The following CEP162 variants were observed in gnomAD, a reference collection of about 807,000 sequenced individuals.
The protein encoded by CEP162 is centrosomal protein 162.
CEP162 carries 141 observed loss-of-function variants against 169.2 expected under a neutral mutation model. That is an observed-to-expected ratio of 0.83 (90% CI 0.73 to 0.96). CEP162 has a LOEUF of 0.96. Ranked by LOEUF, CEP162 falls within the 40% of genes least tolerant of loss-of-function variation. CEP162 has a pLI of 0.00. For missense variants in CEP162, 1,600 were observed against 1,587.2 expected (o/e 1.01, Z -0.14); for synonymous variants, 540 against 526.4 (o/e 1.03, Z -0.35).
intron 8 of CEP162, 58 bp from the exon 9 acceptor site, chr6:84,200,963 A>C (rs1477065141): frequency 9.5e-7 from 1 of 1,049,864 alleles, no homozygotes; most frequent in African/African-American, 1.6e-5. Context: ...GGTTCTGTTG[A>C]TCTAATACAA....
intron 3 of CEP162, among the ~76,000 whole-genome samples, chr6:84,220,198 A>G (rs2099553134): frequency 6.6e-6 from 1 of 152,080 alleles, no homozygotes; most frequent in Non-Finnish European, 1.5e-5. Flanking sequence ...CCATATGTAT[A>G]TTTTTTCCCT....
intron 23 of CEP162, 101 bp from the exon 24 acceptor site, chr6:84,149,804 G>C: frequency 2.1e-6 from 2 of 954,814 alleles, no homozygotes; most frequent in Non-Finnish European, 3.0e-6. Context: ...AATTAAGCAA[G>C]GGGAAAATGG....
At chr6:84,194,608 C>G (rs1309451237) in intron 10 of CEP162, among the ~76,000 whole-genome samples, 1 of 152,042 alleles carries the variant, frequency 6.6e-6, no homozygotes, top group Non-Finnish European at 1.5e-5. Context: ...CGTGTGCCAC[C>G]ATGCCCAGCT....
At chr6:84,176,467 TG>T (rs1562045457) in intron 13 of CEP162, among the ~76,000 whole-genome samples, 1 of 152,174 alleles carries the variant, frequency 6.6e-6, no homozygotes, top group Non-Finnish European at 1.5e-5. Flanking sequence ...TCCAAATCAC[TG>T]GAGGCTCATT....
At chr6:84,161,369 C>T (rs1490477929) in intron 20 of CEP162, among the ~76,000 whole-genome samples, 7 of 152,032 alleles carry the variant, frequency 4.6e-5, no homozygotes, top group East Asian at 3.9e-4. Flanking sequence ...ACAAGGAGTA[C>T]GAGTGAGACA....
rs758810500 is a variant in CEP162 at position 84,183,153 on chromosome 6, G to GT, written c.1663+2033dup. On this transcript the variant is annotated intron_variant, in intron 13 of 26. Transcript: ENST00000403245. Reference sequence around the variant, plus strand: ...ACTTTACTATAAATTTTAATAATGTGTTTTTTTTTATTTTGGATGTCACAA... The same window carrying GT: ...ACTTTACTATAAATTTTAATAATGTGTTTTTTTTTTATTTTGGATGTCACAA... 1.7e-3 allele frequency among the ~76,000 whole-genome samples: 260 copies of GT among 151,236 alleles called. 1 individual carries two copies. Among genetic ancestry groups the GT allele is most frequent in the South Asian group, 5.4e-3 (26 of 4,776 alleles).
chr6:84,169,082 C>T (rs2099528944), intron 18 of CEP162, among the ~76,000 whole-genome samples: 1 of 152,072 alleles, frequency 6.6e-6, no homozygotes, highest in Admixed American at 6.6e-5. Context: ...TGACAAATGC[C>T]TGATGAGAGG....
chr6:84,198,319 C>T (rs1048181443), intron 9 of CEP162, among the ~76,000 whole-genome samples: 1 of 151,798 alleles, frequency 6.6e-6, no homozygotes, highest in Non-Finnish European at 1.5e-5. Context: ...ACTCCATCAC[C>T]CAGGCTGGAG....
At chr6:84,173,978 C>A in intron 16 of CEP162, 70 bp downstream of exon 16, 2 of 1,357,756 alleles carry the variant, frequency 1.5e-6, no homozygotes, top group Admixed American at 1.9e-5. Flanking sequence ...AGCCACTGTG[C>A]CTGGCCTGCC....
chr6:84,131,488 T>C (rs780219192), intron 25 of CEP162, among the ~76,000 whole-genome samples: 3 of 152,212 alleles, frequency 2.0e-5, no homozygotes, highest in Non-Finnish European at 4.4e-5. Flanking sequence ...TCTAGGTCTC[T>C]TTGTAGGTCT....
intron 3 of CEP162, among the ~76,000 whole-genome samples, chr6:84,217,361 G>A (rs146760678): frequency 1.8e-4 from 28 of 152,328 alleles, no homozygotes; most frequent in African/African-American, 6.0e-4. Context: ...AGGATGGTCA[G>A]GAAGGCTTTC....
intron 25 of CEP162, among the ~76,000 whole-genome samples, chr6:84,143,470 T>C (rs1019245855): frequency 2.0e-5 from 3 of 151,926 alleles, no homozygotes; most frequent in Admixed American, 6.6e-5. Flanking sequence ...GAAAATAAGA[T>C]GTAGTTTTGG....
At position 84,206,025 on chromosome 6, in the gene CEP162, C is replaced by T. The variant is rs1389067745; in HGVS notation, c.572-1929G>A. On this transcript the variant is annotated intron_variant, in intron 6 of 26. Coordinates refer to ENST00000403245, the MANE Select transcript of CEP162 (RefSeq NM_014895.4). Reference sequence around the variant, plus strand: ...TCCAACTTACAAGGGATGTGAAGGACCTCTTCAAGGAGAACTACAAACCCC... The same window carrying T: ...TCCAACTTACAAGGGATGTGAAGGATCTCTTCAAGGAGAACTACAAACCCC... 2.7e-5 allele frequency among the ~76,000 whole-genome samples: 4 copies of T among 148,478 alleles called. No homozygotes were observed. The South Asian group carries it at 6.2e-4, about 23-fold the overall frequency.
At chr6:84,193,361 CTG>C (rs1282871279) in intron 11 of CEP162, among the ~76,000 whole-genome samples, 37 of 152,176 alleles carry the variant, frequency 2.4e-4, no homozygotes, top group African/African-American at 8.7e-4. Flanking sequence ...GCTGAGGAGA[CTG>C]TATTTTTCAG....
chr6:84,205,156 C>A (rs1162818938), intron 6 of CEP162, among the ~76,000 whole-genome samples: 1 of 152,184 alleles, frequency 6.6e-6, no homozygotes, highest in East Asian at 1.9e-4. Flanking sequence ...CAAAGAGGAG[C>A]TGGTACCATT....
chr6:84,219,768 G>A (rs2099552951), intron 3 of CEP162, among the ~76,000 whole-genome samples: 1 of 152,096 alleles, frequency 6.6e-6, no homozygotes, highest in Admixed American at 6.6e-5. Context: ...TAATGTTGAG[G>A]GTCAGGGGAT....
intron 6 of CEP162, among the ~76,000 whole-genome samples, chr6:84,209,811 C>A (rs2099548744): frequency 1.3e-5 from 2 of 152,074 alleles, no homozygotes. Context: ...ACTAAGCAGC[C>A]TACAGGCAAA....
intron 13 of CEP162, among the ~76,000 whole-genome samples, chr6:84,183,826 T>C (rs1245653305): frequency 6.6e-6 from 1 of 152,172 alleles, no homozygotes; most frequent in Non-Finnish European, 1.5e-5. Context: ...TAAGTTTAAA[T>C]TCATGATCAC....
At chr6:84,143,589 G>A (rs1393739206) in intron 25 of CEP162, among the ~76,000 whole-genome samples, 2 of 151,454 alleles carry the variant, frequency 1.3e-5, no homozygotes, top group Non-Finnish European at 3.0e-5. Flanking sequence ...GGAGAACGAA[G>A]AACAAAAAAA....
Sources: gnomAD v4.1 joint callset for allele counts (sites outside exome capture counted in the v4.1 genomes callset) on GRCh38, gnomAD v4.1.1 for gene constraint, MANE v1.5 for transcripts, NCBI Gene and HGNC (gene_info 2026-07-23, HGNC 2026-07-21) for gene names.